FANK1: variants seen among roughly 807,000 people sequenced by gnomAD.
FANK1 encodes fibronectin type 3 and ankyrin repeat domains protein 1.
FANK1 carries 44 observed loss-of-function variants against 45.3 expected under a neutral mutation model. The ratio of observed to expected loss-of-function variants is 0.97; its 90% CI spans 0.76 to 1.25. FANK1 has a LOEUF of 1.25. Among genes scored for constraint, FANK1 ranks in the 50% most tolerant of loss-of-function variants. The pLI is 0.00. For missense variants in FANK1, 391 were observed against 424.4 expected, an observed-to-expected ratio of 0.92 and a Z score of 0.69; for synonymous variants, 149 against 152.5, an observed-to-expected ratio of 0.98 and a Z score of 0.17.
intron 1 of FANK1, among the ~76,000 whole-genome samples, chr10:125,920,216 G>T (rs1946847547): frequency 6.6e-6 from 1 of 152,282 alleles, no homozygotes; most frequent in South Asian, 2.1e-4. Flanking sequence ...GAAAAAATTG[G>T]CAATCATTTG....
intron 1 of FANK1, among the ~76,000 whole-genome samples, chr10:125,948,338 T>G (rs1948956047): frequency 1.3e-5 from 2 of 152,246 alleles, no homozygotes; most frequent in African/African-American, 4.8e-5. Flanking sequence ...CTGGTTTTTT[T>G]GAAAGGATCA....
At chr10:125,958,108 T>C (rs758840138) in intron 1 of FANK1, among the ~76,000 whole-genome samples, 5 of 152,156 alleles carry the variant, frequency 3.3e-5, no homozygotes, top group African/African-American at 4.8e-5. Flanking sequence ...CTGTTAACTA[T>C]AGTCATTCTA....
At chr10:125,904,804 T>C (rs1283607010) in intron 1 of FANK1, among the ~76,000 whole-genome samples, 1 of 152,202 alleles carries the variant, frequency 6.6e-6, no homozygotes, top group Admixed American at 6.5e-5. Context: ...AAAATGAGCA[T>C]GGCTCTGTTC....
chr10:125,964,585 A>G (rs192272989), intron 1 of FANK1, among the ~76,000 whole-genome samples: 4 of 152,302 alleles, frequency 2.6e-5, no homozygotes, highest in Admixed American at 2.0e-4. Context: ...TTTAGCCCCA[A>G]TTAATTTTAA....
At chr10:125,897,837 G>C (rs1036768585) in intron 1 of FANK1, among the ~76,000 whole-genome samples, 1 of 151,912 alleles carries the variant, frequency 6.6e-6, no homozygotes, top group Non-Finnish European at 1.5e-5. Flanking sequence ...CCGCCTTAGA[G>C]AAGTGAGTTG....
At chr10:125,941,639 G>A (rs1282024071) in intron 1 of FANK1, among the ~76,000 whole-genome samples, 3 of 152,154 alleles carry the variant, frequency 2.0e-5, no homozygotes, top group Non-Finnish European at 4.4e-5. Flanking sequence ...ACCTAGAAAT[G>A]ACCACATGCC....
chr10:125,969,289 A>C (rs1181517195), intron 1 of FANK1, among the ~76,000 whole-genome samples: 1 of 152,096 alleles, frequency 6.6e-6, no homozygotes, highest in Non-Finnish European at 1.5e-5. Context: ...TTAAAATAAA[A>C]TTAAAGCCTG....
At position 126,008,437 on chromosome 10, in the gene FANK1, AC is replaced by A. The variant is rs1564979316; in HGVS notation, c.740del (p.Pro247HisfsTer3). 6 of 1,612,190 alleles carry A rather than the reference AC, an allele frequency of 3.7e-6. No individual in the cohort carries two copies. The highest frequency in any genetic ancestry group is 5.1e-6 in the Non-Finnish European group (6 of 1,179,116). On this transcript the variant is annotated frameshift_variant, in exon 8 of 11. Coordinates refer to ENST00000368693, the MANE Select transcript of FANK1 (RefSeq NM_145235.5). LOFTEE classifies it high-confidence loss of function. ...CGTCGTGGACACTGGTTCAGGATGGACCCCACTCATGAGAGTCTCTGCGGTG... is the reference window on the plus strand; with the variant it reads ...CGTCGTGGACACTGGTTCAGGATGGACCCACTCATGAGAGTCTCTGCGGTG... ...VDVVDTGSGW[T>X]PLMRVSAVSG...
chr10:125,912,950 A>G (rs1425264585), intron 1 of FANK1, among the ~76,000 whole-genome samples: 2 of 152,242 alleles, frequency 1.3e-5, no homozygotes, highest in African/African-American at 2.4e-5. Context: ...CTTAGCTTTA[A>G]TGTGAATCAG....
At chr10:125,949,970 C>T (rs1173565965) in intron 1 of FANK1, among the ~76,000 whole-genome samples, 1 of 119,954 alleles carries the variant, frequency 8.3e-6, no homozygotes, top group Non-Finnish European at 1.8e-5. Context: ...CGCATATCTA[C>T]AACTATCTGA....
chr10:125,943,085 TAC>T (rs1419309089), intron 1 of FANK1, among the ~76,000 whole-genome samples: 2 of 152,192 alleles, frequency 1.3e-5, no homozygotes, highest in Non-Finnish European at 2.9e-5. Context: ...GTGCTAGGAT[TAC>T]AGGCGTGAGC....
At chr10:125,946,192 G>A (rs911735628) in intron 1 of FANK1, among the ~76,000 whole-genome samples, 13 of 151,804 alleles carry the variant, frequency 8.6e-5, no homozygotes, top group Admixed American at 2.0e-4. Flanking sequence ...ACTCTAAAAC[G>A]CAGAGCACCT....
At chr10:125,909,549 G>A (rs1405107347) in intron 1 of FANK1, among the ~76,000 whole-genome samples, 2 of 148,204 alleles carry the variant, frequency 1.3e-5, no homozygotes, top group African/African-American at 5.0e-5. Flanking sequence ...GGGTCTTACT[G>A]TGTCACTTAG....
At position 125,900,910 on chromosome 10, in the gene FANK1, A is replaced by G. The variant is rs557723037; in HGVS notation, c.13+4255A>G. 1.5e-4 allele frequency among the ~76,000 whole-genome samples: 23 copies of G among 151,908 alleles called. 1 individual carries two copies. Among genetic ancestry groups the G allele is most frequent in the African/African-American group, 5.3e-4 (22 of 41,442 alleles). On this transcript the variant is annotated intron_variant, in intron 1 of 10. Coordinates refer to ENST00000368693, the MANE Select transcript of FANK1 (RefSeq NM_145235.5). ...TGTGATCCACCCGCCTCGGCCTCCC[A>G]AAGTGCTGGGATTATAGGCGTGTGC...
Position 126,008,473 on chromosome 10 carries a change from CA to C in FANK1, c.773del (p.Gln258ArgfsTer7), listed in dbSNP as rs1346545701. The C allele has an allele frequency of 1.2e-6, 2 of 1,613,472 alleles. No individual in the cohort carries two copies. The highest frequency in any genetic ancestry group is 1.7e-6 in the Non-Finnish European group (2 of 1,179,778). On this transcript the variant is annotated frameshift_variant, in exon 8 of 11. Coordinates refer to ENST00000368693, the MANE Select transcript of FANK1 (RefSeq NM_145235.5). LOFTEE classifies it high-confidence loss of function. ...LMRVSAVSGN[Q>X]RVASLLIDAG... ...GAGAGTCTCTGCGGTGTCGGGAAAT[CA>C]GAGGGTGGCCTCTCTTCTAATTGAT...
intron 3 of FANK1, among the ~76,000 whole-genome samples, chr10:125,990,986 C>T (rs1304074116): frequency 6.6e-6 from 1 of 152,160 alleles, no homozygotes; most frequent in Non-Finnish European, 1.5e-5. Flanking sequence ...AAGCCCCACC[C>T]CCATGATTCA....
intron 1 of FANK1, among the ~76,000 whole-genome samples, chr10:125,955,529 G>T (rs1291732979): frequency 1.3e-5 from 2 of 152,074 alleles, no homozygotes; most frequent in African/African-American, 4.8e-5. Flanking sequence ...CACCCAGGCT[G>T]GAGTGCAGTG....
At chr10:125,947,811 A>T (rs1440629806) in intron 1 of FANK1, among the ~76,000 whole-genome samples, 1 of 127,122 alleles carries the variant, frequency 7.9e-6, no homozygotes, top group South Asian at 2.8e-4. Flanking sequence ...CAGAATATAC[A>T]TTTTTTTCAG....
intron 2 of FANK1, among the ~76,000 whole-genome samples, chr10:125,981,236 G>A (rs937642215): frequency 1.3e-5 from 2 of 152,154 alleles, no homozygotes; most frequent in African/African-American, 4.8e-5. Flanking sequence ...GGCCAGGCAT[G>A]GTGGCTCATG....
Sources: allele counts gnomAD v4.1 joint callset (sites outside exome capture counted in the v4.1 genomes callset), GRCh38; gene constraint gnomAD v4.1.1; transcripts MANE v1.5; gene names NCBI Gene and HGNC (gene_info 2026-07-23, HGNC 2026-07-21).